KANSL1: variants seen among roughly 807,000 people sequenced by gnomAD.
The protein encoded by KANSL1 is MLL1/MLL complex subunit KANSL1.
Under a neutral mutation model 103.6 loss-of-function variants are expected in KANSL1, and 22 were observed. The observed-to-expected ratio is 0.21, with a 90% confidence interval of 0.15 to 0.30. The LOEUF (loss-of-function observed/expected upper bound fraction) is 0.30, where lower values mean the gene tolerates loss of function less well. Among genes scored for constraint, KANSL1 ranks in the 10% least tolerant of loss-of-function variants. KANSL1 has a pLI of 1.00. For synonymous variants in KANSL1, 600 were observed against 527.6 expected (o/e 1.14, Z -1.88); for missense variants, 1,337 against 1,399.8 (o/e 0.96, Z 0.72).
In KANSL1 at chr17:46,184,422, G is replaced by A. The variant is rs1363383012; in HGVS notation, c.-90+8401C>T. Reference sequence around the variant, plus strand: ...TGTCTCAGCAAGCCTCTAATCTAGCGTCCACTACCAAAATGATTATTAGAA... The same window carrying A: ...TGTCTCAGCAAGCCTCTAATCTAGCATCCACTACCAAAATGATTATTAGAA... On this transcript the variant is annotated intron_variant, in intron 1 of 14. Coordinates refer to ENST00000432791, the MANE Select transcript of KANSL1 (RefSeq NM_015443.4). Among the ~76,000 whole-genome samples the A allele has an allele frequency of 3.9e-5, 6 of 152,264 alleles. No homozygotes were observed. In the East Asian group the frequency reaches 9.6e-4, roughly 24 times the overall value.
At chr17:46,139,796 C>G (rs2044329583) in intron 2 of KANSL1, among the ~76,000 whole-genome samples, 1 of 151,792 alleles carries the variant, frequency 6.6e-6, no homozygotes. Context: ...CCTCCACGAA[C>G]TGAAAGCATT....
At chr17:46,159,303 C>T (rs1181980382) in intron 2 of KANSL1, among the ~76,000 whole-genome samples, 1 of 152,214 alleles carries the variant, frequency 6.6e-6, no homozygotes, top group African/African-American at 2.4e-5. Flanking sequence ...GGAACTCGAG[C>T]CTAGGTAGAC....
chr17:46,106,671 G>T (rs1437841245), intron 2 of KANSL1, among the ~76,000 whole-genome samples: 1 of 152,204 alleles, frequency 6.6e-6, no homozygotes, highest in African/African-American at 2.4e-5. Flanking sequence ...GGGAATACAG[G>T]TGTGAGCCAA....
Position 46,031,259 on chromosome 17 carries a change from G to A in KANSL1, c.*217C>T, listed in dbSNP as rs140200874. On this transcript the variant is annotated 3_prime_UTR_variant, in exon 15 of 15. Coordinates refer to ENST00000432791, the MANE Select transcript of KANSL1 (RefSeq NM_015443.4). The stretch of plus-strand genomic sequence containing the variant: ...TCATCCTGAACTTCTGTTTGCCAAC[G>A]GGAGGAAGTGCTCAGGTGTGTGACA... 732 of 598,518 alleles carry A rather than the reference G, an allele frequency of 1.2e-3. 4 individuals are homozygous for A. The highest frequency in any genetic ancestry group is 6.3e-3 in the Middle Eastern group (14 of 2,238). The allele number at this position is 598,518 out of a possible 1,614,324, so 37.1% of individuals were successfully genotyped here. A position where few individuals can be genotyped will look rare whatever the true frequency, so the allele number is the denominator to read the frequency against.
chr17:46,153,616 A>G (rs2045249560), intron 2 of KANSL1, among the ~76,000 whole-genome samples: 1 of 152,260 alleles, frequency 6.6e-6, no homozygotes, highest in Admixed American at 6.5e-5. Context: ...AGGGCTGGCT[A>G]CTTGGAGGTG....
chr17:46,079,751 C>T (rs1448007801), intron 4 of KANSL1, among the ~76,000 whole-genome samples: 2 of 152,160 alleles, frequency 1.3e-5, no homozygotes, highest in African/African-American at 2.4e-5. Context: ...CCAAGGCCAG[C>T]GGATTGCTTG....
At chr17:46,038,388 G>A (rs2077211841) in intron 10 of KANSL1, 150 bp downstream of exon 10, 1 of 787,506 alleles carries the variant, frequency 1.3e-6, no homozygotes, top group Non-Finnish European at 2.0e-6. Flanking sequence ...ACTTAAAAAT[G>A]GTACAGACAT....
intron 2 of KANSL1, among the ~76,000 whole-genome samples, chr17:46,162,117 A>G (rs1015250891): frequency 2.6e-5 from 4 of 152,384 alleles, no homozygotes; most frequent in African/African-American, 9.6e-5. Flanking sequence ...CCTTGGTTTC[A>G]AATCTATATA....
intron 6 of KANSL1, among the ~76,000 whole-genome samples, chr17:46,054,675 C>T (rs1268875053): frequency 6.6e-6 from 1 of 152,112 alleles, no homozygotes; most frequent in Non-Finnish European, 1.5e-5. Context: ...GACTTCACCT[C>T]ATTTTTTTGT....
chr17:46,090,411 G>A (rs1426053162), intron 3 of KANSL1, among the ~76,000 whole-genome samples: 1 of 152,164 alleles, frequency 6.6e-6, no homozygotes, highest in Non-Finnish European at 1.5e-5. Flanking sequence ...GTATAAATAC[G>A]ACACGTAAAG....
At chr17:46,165,786 C>T (rs2045965662) in intron 2 of KANSL1, among the ~76,000 whole-genome samples, 1 of 152,066 alleles carries the variant, frequency 6.6e-6, no homozygotes, top group Non-Finnish European at 1.5e-5. Context: ...GCTGGGATTA[C>T]AGACATGAGC....
chr17:46,176,433 G>C (rs561955332), intron 1 of KANSL1, among the ~76,000 whole-genome samples: 1 of 152,338 alleles, frequency 6.6e-6, no homozygotes, highest in Non-Finnish European at 1.5e-5. Context: ...GCTCACGCCT[G>C]TAATCCCAGC....
upstream of KANSL1, chr17:46,196,722 A>C (rs2047622247): frequency 9.2e-5 from 24 of 261,808 alleles, no homozygotes; most frequent in South Asian, 8.9e-4. Flanking sequence ...GTCAAAAAAC[A>C]ATGATTGAGT....
chr17:46,073,527 G>T (rs1242030130), intron 4 of KANSL1, among the ~76,000 whole-genome samples: 1 of 152,046 alleles, frequency 6.6e-6, no homozygotes, highest in Admixed American at 6.6e-5. Context: ...AAGCCAAAAC[G>T]TACTGAAATT....
intron 2 of KANSL1, among the ~76,000 whole-genome samples, chr17:46,117,032 T>TA (rs2043075492): frequency 6.6e-6 from 1 of 152,232 alleles, no homozygotes; most frequent in African/African-American, 2.4e-5. Flanking sequence ...GGAATGTTTT[T>TA]AAAAAGGGTT....
At chr17:46,203,339 C>T (rs1223110474) in intron 1 of KANSL1, among the ~76,000 whole-genome samples, 1 of 152,240 alleles carries the variant, frequency 6.6e-6, no homozygotes, top group African/African-American at 2.4e-5. Flanking sequence ...TATGACCATG[C>T]TTGTTAATAT....
At chr17:46,153,164 A>C (rs765598120) in intron 2 of KANSL1, among the ~76,000 whole-genome samples, 2 of 152,234 alleles carry the variant, frequency 1.3e-5, no homozygotes, top group Non-Finnish European at 2.9e-5. Context: ...TGAGTAAGTT[A>C]ATTTACTAGG....
intron 2 of KANSL1, among the ~76,000 whole-genome samples, chr17:46,096,311 C>CTTTCTTTCTTTCTT (rs753073992): frequency 1.6e-3 from 124 of 76,202 alleles, no homozygotes; most frequent in Non-Finnish European, 2.3e-3. Flanking sequence ...GCTTTTTTTT[C>CTTTCTTTCTTTCTT]TTTTTTTTTT....
At chr17:46,136,701 G>A (rs1005156016) in intron 2 of KANSL1, among the ~76,000 whole-genome samples, 12 of 152,148 alleles carry the variant, frequency 7.9e-5, no homozygotes, top group African/African-American at 2.4e-4. Flanking sequence ...AAAAAGGGAG[G>A]AAAACTCATT....
Sources: allele counts gnomAD v4.1 joint callset (sites outside exome capture counted in the v4.1 genomes callset), GRCh38; gene constraint gnomAD v4.1.1; transcripts MANE v1.5; gene names NCBI Gene and HGNC (gene_info 2026-07-23, HGNC 2026-07-21).